Variants in DLGAP2 observed in about 807,000 individuals in gnomAD.
DLGAP2 encodes the protein disks large-associated protein 2.
Under a neutral mutation model 100.3 loss-of-function variants are expected in DLGAP2, and 26 were observed. The observed-to-expected ratio is 0.26, with a 90% CI of 0.19 to 0.36. The LOEUF (loss-of-function observed/expected upper bound fraction) is 0.36, where lower values mean the gene tolerates loss of function less well. Among genes scored for constraint, DLGAP2 ranks in the 10% least tolerant of loss-of-function variants. The pLI is 1.00. For missense variants in DLGAP2, 1,858 were observed against 1,453.2 expected (o/e 1.28, Z -4.53); for synonymous variants, 886 against 630.1 (o/e 1.41, Z -6.08).
chr8:1,563,937 GA>G (rs899577449), intron 5 of DLGAP2, among the ~76,000 whole-genome samples: 1 of 151,776 alleles, frequency 6.6e-6, no homozygotes, highest in African/African-American at 2.4e-5. Flanking sequence ...TTACAGCAAG[GA>G]AAAAAAATAC....
intron 2 of DLGAP2, among the ~76,000 whole-genome samples, chr8:1,219,816 G>T (rs1054513387): frequency 2.6e-5 from 4 of 151,988 alleles, no homozygotes; most frequent in African/African-American, 7.2e-5. Flanking sequence ...CAGGATTTCA[G>T]TTTCTTCCTG....
intron 3 of DLGAP2, among the ~76,000 whole-genome samples, chr8:1,309,811 C>T (rs1800571733): frequency 6.6e-6 from 1 of 152,222 alleles, no homozygotes; most frequent in Admixed American, 6.5e-5. Context: ...AAACCTGTGA[C>T]AGGCCGGGCG....
intron 3 of DLGAP2, among the ~76,000 whole-genome samples, chr8:1,372,799 C>A (rs558826535): frequency 1.3e-5 from 2 of 152,248 alleles, no homozygotes; most frequent in East Asian, 1.9e-4. Flanking sequence ...GTATATTTTC[C>A]CAAGCGAACA....
intron 1 of DLGAP2, among the ~76,000 whole-genome samples, chr8:901,387 G>C (rs559252290): frequency 6.6e-6 from 1 of 152,366 alleles, no homozygotes; most frequent in Non-Finnish European, 1.5e-5. Context: ...TCCAAAGAAA[G>C]TTAACAGGTG....
intron 2 of DLGAP2, among the ~76,000 whole-genome samples, chr8:1,187,700 C>A (rs1352159942): frequency 6.7e-6 from 1 of 148,674 alleles, no homozygotes; most frequent in African/African-American, 2.5e-5. Flanking sequence ...CCCAGGACCT[C>A]TGTGACGTTT....
intron 14 of DLGAP2, among the ~76,000 whole-genome samples, chr8:1,700,563 T>A (rs1184869402): frequency 6.6e-6 from 1 of 152,244 alleles, no homozygotes; most frequent in Non-Finnish European, 1.5e-5. Flanking sequence ...ACACGTATTT[T>A]AGCGTGACTT....
intron 2 of DLGAP2, among the ~76,000 whole-genome samples, chr8:1,170,458 G>T (rs1797105727): frequency 6.6e-6 from 1 of 152,138 alleles, no homozygotes; most frequent in Non-Finnish European, 1.5e-5. Context: ...AGAAGCAATG[G>T]TACCAGTTCA....
At chr8:1,618,008 G>A (rs1462778711) in intron 6 of DLGAP2, among the ~76,000 whole-genome samples, 1 of 152,096 alleles carries the variant, frequency 6.6e-6, no homozygotes, top group Non-Finnish European at 1.5e-5. Context: ...CAACATTAAG[G>A]GTGCAACATT....
intron 4 of DLGAP2, among the ~76,000 whole-genome samples, chr8:1,536,469 T>A (rs2130473348): frequency 6.6e-6 from 1 of 152,314 alleles, no homozygotes; most frequent in East Asian, 1.9e-4. Context: ...AAATTCTGAA[T>A]TTTCAAGTGA....
intron 1 of DLGAP2, among the ~76,000 whole-genome samples, chr8:884,832 G>A (rs1375562760): frequency 5.3e-5 from 8 of 152,168 alleles, no homozygotes; most frequent in Non-Finnish European, 7.4e-5. Context: ...GGGGTCCATT[G>A]TCCGTTTTCT....
At chr8:1,654,008 C>T (rs1391300277) in intron 8 of DLGAP2, among the ~76,000 whole-genome samples, 8 of 152,142 alleles carry the variant, frequency 5.3e-5, no homozygotes, top group South Asian at 2.1e-4. Context: ...TGTTAGTTGA[C>T]GGATCAATGT....
chr8:1,154,313 C>G (rs1223931882), intron 2 of DLGAP2, among the ~76,000 whole-genome samples: 1 of 152,092 alleles, frequency 6.6e-6, no homozygotes, highest in Non-Finnish European at 1.5e-5. Flanking sequence ...TGTGAGATCC[C>G]CCAGCACAGC....
intron 6 of DLGAP2, among the ~76,000 whole-genome samples, chr8:1,576,132 G>C (rs1168646601): frequency 3.3e-5 from 5 of 152,134 alleles, no homozygotes; most frequent in African/African-American, 1.2e-4. Context: ...AGCACCTGTT[G>C]TTTCCTGACT....
intron 6 of DLGAP2, among the ~76,000 whole-genome samples, chr8:1,592,692 G>C (rs4875875): frequency 0.41 from 62,444 of 151,936 alleles, 12,928 homozygotes; most frequent in Non-Finnish European, 0.42. Context: ...ATTTAATGCA[G>C]TGATAGTTAT....
intron 3 of DLGAP2, among the ~76,000 whole-genome samples, chr8:1,259,323 C>G (rs1050290703): frequency 6.6e-6 from 1 of 152,176 alleles, no homozygotes; most frequent in African/African-American, 2.4e-5. Flanking sequence ...GAGTGATGTT[C>G]ATCAGTGTTG....
At chr8:1,123,127 T>G (rs1246516587) in intron 2 of DLGAP2, among the ~76,000 whole-genome samples, 1 of 152,242 alleles carries the variant, frequency 6.6e-6, no homozygotes, top group Non-Finnish European at 1.5e-5. Context: ...AGAATAAGTT[T>G]CGCTCAGAAG....
intron 3 of DLGAP2, among the ~76,000 whole-genome samples, chr8:1,318,452 T>C (rs6985576): frequency 0.21 from 31,500 of 149,744 alleles, 3,608 homozygotes; most frequent in African/African-American, 0.3. Flanking sequence ...TCGTATCTAG[T>C]ATATGCCAGT....
At chr8:1,081,788 C>T (rs932772993) in intron 2 of DLGAP2, among the ~76,000 whole-genome samples, 4 of 152,174 alleles carry the variant, frequency 2.6e-5, no homozygotes, top group Admixed American at 2.0e-4. Context: ...GAATTTAAAA[C>T]ACTCTCACAT....
chr8:1,346,018 G>T (rs1343306377), intron 3 of DLGAP2, among the ~76,000 whole-genome samples: 1 of 152,236 alleles, frequency 6.6e-6, no homozygotes, highest in Admixed American at 6.5e-5. Flanking sequence ...GTCCAGTGCA[G>T]ATGGGACAGG....
Sources: gnomAD v4.1 joint callset for allele counts (sites outside exome capture counted in the v4.1 genomes callset) on GRCh38, gnomAD v4.1.1 for gene constraint, MANE v1.5 for transcripts, NCBI Gene and HGNC (gene_info 2026-07-23, HGNC 2026-07-21) for gene names.